Variants in WFDC1 observed in about 807,000 individuals in gnomAD.
WFDC1 encodes the protein WAP four-disulfide core domain 1.
In WFDC1, 39 loss-of-function variants were observed where a neutral mutation model predicts 32.9. That is an observed-to-expected ratio of 1.19 (90% CI 0.92 to 1.55). The LOEUF (loss-of-function observed/expected upper bound fraction) is 1.55, where lower values mean the gene tolerates loss of function less well. WFDC1 is among the 40% of genes most tolerant of loss of function. WFDC1 has a pLI of 0.00. For synonymous variants in WFDC1, 184 were observed against 137.4 expected (o/e 1.34, Z -2.37); for missense variants, 386 against 309.5 (o/e 1.25, Z -1.85).
intron 1 of WFDC1, among the ~76,000 whole-genome samples, chr16:84,303,082 T>C (rs1907043120): frequency 6.6e-6 from 1 of 150,988 alleles, no homozygotes; most frequent in South Asian, 2.1e-4. Flanking sequence ...CCAAATTCTG[T>C]CCCCAGAGCC....
At position 84,329,806 on chromosome 16, in the gene WFDC1, G is replaced by A. The variant is rs1207251469; in HGVS notation, c.*500G>A. ...TGCTGAGGCCTAAATGTTAGCAGGT[G>A]GGAGGAGGCCACAGAACAATAAAAA... On this transcript the variant is annotated 3_prime_UTR_variant, in exon 7 of 7. Coordinates refer to ENST00000219454, the MANE Select transcript of WFDC1 (RefSeq NM_021197.4). The A allele has an allele frequency of 1.3e-5, 2 of 152,220 alleles. No homozygotes were observed. The highest frequency in any genetic ancestry group is 1.9e-4 in the East Asian group (1 of 5,206). The allele number at this position is 152,220 out of a possible 1,614,324, so 9.4% of individuals were successfully genotyped here. A position where few individuals can be genotyped will look rare whatever the true frequency, so the allele number is the denominator to read the frequency against.
At chr16:84,306,423 G>A (rs1425111989) in intron 1 of WFDC1, among the ~76,000 whole-genome samples, 7 of 152,214 alleles carry the variant, frequency 4.6e-5, no homozygotes, top group African/African-American at 1.7e-4. Context: ...GGAACAGTGT[G>A]CGGAAGCCTC....
At chr16:84,306,578 A>C (rs1907272474) in intron 1 of WFDC1, among the ~76,000 whole-genome samples, 1 of 152,220 alleles carries the variant, frequency 6.6e-6, no homozygotes, top group Non-Finnish European at 1.5e-5. Flanking sequence ...TGAGCATAGG[A>C]GTGTGATGAT....
At chr16:84,307,911 G>T (rs1395771378) in intron 1 of WFDC1, among the ~76,000 whole-genome samples, 1 of 152,136 alleles carries the variant, frequency 6.6e-6, no homozygotes, top group African/African-American at 2.4e-5. Flanking sequence ...GGGTGAGGGA[G>T]ATTGGGCGGA....
intron 4 of WFDC1, among the ~76,000 whole-genome samples, chr16:84,322,143 G>A (rs538364845): frequency 8.0e-4 from 112 of 139,520 alleles, no homozygotes; most frequent in Non-Finnish European, 1.3e-3. Flanking sequence ...CAGCCTCAGA[G>A]CCTGTGTGTG....
intron 5 of WFDC1, 74 bp downstream of exon 5, chr16:84,324,534 AAAAT>A: frequency 6.6e-7 from 1 of 1,525,246 alleles, no homozygotes; most frequent in Non-Finnish European, 8.9e-7. Context: ...TGTGAAGAAA[AAAAT>A]AAAAGCCCAG....
chr16:84,307,145 G>A (rs935693189), intron 1 of WFDC1, among the ~76,000 whole-genome samples: 12 of 152,278 alleles, frequency 7.9e-5, no homozygotes, highest in South Asian at 4.1e-4. Flanking sequence ...GGTCAGAGAC[G>A]TGGAGGGGGT....
intron 1 of WFDC1, among the ~76,000 whole-genome samples, chr16:84,303,757 A>G (rs1413737066): frequency 6.6e-6 from 1 of 152,214 alleles, no homozygotes; most frequent in African/African-American, 2.4e-5. Flanking sequence ...CAACCGTCCT[A>G]ACTGCCTAGT....
At chr16:84,304,464 G>A (rs1212231650) in intron 1 of WFDC1, among the ~76,000 whole-genome samples, 1 of 152,252 alleles carries the variant, frequency 6.6e-6, no homozygotes, top group South Asian at 2.1e-4. Context: ...CTGACCTCAG[G>A]TGATCCACCT....
At chr16:84,319,771 C>G (rs541674276) in intron 4 of WFDC1, among the ~76,000 whole-genome samples, 200 bp downstream of exon 4, 1 of 152,124 alleles carries the variant, frequency 6.6e-6, no homozygotes, top group Non-Finnish European at 1.5e-5. Flanking sequence ...AGCATGTGAC[C>G]GAAGCTCTTG....
At chr16:84,309,212 C>A (rs1033345432) in intron 1 of WFDC1, among the ~76,000 whole-genome samples, 1 of 152,052 alleles carries the variant, frequency 6.6e-6, no homozygotes, top group African/African-American at 2.4e-5. Flanking sequence ...CATGTAAGGA[C>A]AAGGAGGGTC....
intron 3 of WFDC1, chr16:84,319,108 C>G: frequency 2.6e-6 from 1 of 383,266 alleles, no homozygotes; most frequent in Non-Finnish European, 4.8e-6. Context: ...TGTCCCCATG[C>G]GACTGTAGGG....
At chr16:84,314,506 C>G (rs74443010) in intron 2 of WFDC1, among the ~76,000 whole-genome samples, 3 of 152,100 alleles carry the variant, frequency 2.0e-5, no homozygotes, top group Non-Finnish European at 4.4e-5. Context: ...GTGGCCCAGC[C>G]CCTCCTCCCA....
At chr16:84,301,507 A>G in intron 1 of WFDC1, among the ~76,000 whole-genome samples, 1 of 152,054 alleles carries the variant, frequency 6.6e-6, no homozygotes, top group East Asian at 1.9e-4. Context: ...GCGGGACTTC[A>G]TCATCAAGAC....
chr16:84,326,845 A>G lies in WFDC1; in HGVS notation c.605-37A>G, dbSNP rs146306882. ...ACGGGGGGCATTAGAGCAGGAATAG[A>G]TACATCTACCCCAACAGAGCTGTGT... is the stretch of plus-strand genomic sequence containing the variant. On this transcript the variant is annotated intron_variant, in intron 5 of 6. Coordinates refer to ENST00000219454, the MANE Select transcript of WFDC1 (RefSeq NM_021197.4). 3.7e-6 allele frequency: 6 copies of G among 1,613,700 alleles called. No homozygotes were observed. In the African/African-American group the frequency reaches 6.7e-5, roughly 18 times the overall value.
chr16:84,320,997 T>C (rs955790980), intron 4 of WFDC1, among the ~76,000 whole-genome samples: 8 of 152,238 alleles, frequency 5.3e-5, no homozygotes, highest in African/African-American at 9.6e-5. Context: ...TCCTGAACTT[T>C]GAAGAAATTA....
At chr16:84,313,245 G>C (rs1170222275) in intron 2 of WFDC1, 92 bp downstream of exon 2, 7 of 1,242,302 alleles carry the variant, frequency 5.6e-6, no homozygotes, top group Non-Finnish European at 6.1e-6. Context: ...TGGGCTTAAA[G>C]CTGGGCCACC....
intron 5 of WFDC1, chr16:84,325,984 A>T (rs2054747695): frequency 6.6e-6 from 1 of 150,806 alleles, no homozygotes; most frequent in African/African-American, 2.4e-5. Flanking sequence ...CCATCCATTC[A>T]CCTATGTATC....
intron 1 of WFDC1, among the ~76,000 whole-genome samples, chr16:84,298,928 T>C (rs753678704): frequency 1.3e-5 from 2 of 152,198 alleles, no homozygotes; most frequent in Non-Finnish European, 2.9e-5. Context: ...TGAGCCTCGG[T>C]TTCCTCATCT....
Sources: allele counts gnomAD v4.1 joint callset (sites outside exome capture counted in the v4.1 genomes callset), GRCh38; gene constraint gnomAD v4.1.1; transcripts MANE v1.5; gene names NCBI Gene and HGNC (gene_info 2026-07-23, HGNC 2026-07-21).